Variants in ST7 observed in about 807,000 individuals in gnomAD.
ST7 encodes suppression of tumorigenicity 7, also known as suppressor of tumorigenicity 7 protein.
Under a neutral mutation model 78.7 loss-of-function variants are expected in ST7, and 28 were observed. That is an observed-to-expected ratio of 0.36 (90% CI 0.26 to 0.49). The LOEUF is 0.49. ST7 is among the 20% of genes least tolerant of loss of function. The probability of loss-of-function intolerance (pLI) is 0.99; values close to 1 mark genes in which losing one functional copy is unlikely to be tolerated. For synonymous variants in ST7, 247 were observed against 249.6 expected (o/e 0.99, Z 0.10); for missense variants, 418 against 696.0 (o/e 0.60, Z 4.49).
chr7:117,101,069 G>T (rs1430236057), intron 2 of ST7, among the ~76,000 whole-genome samples: 1 of 152,280 alleles, frequency 6.6e-6, no homozygotes, highest in East Asian at 1.9e-4. Context: ...GTAAAAAGAT[G>T]AAGAAATGTA....
chr7:116,977,870 A>G (rs999435914), intron 1 of ST7, among the ~76,000 whole-genome samples: 1 of 152,230 alleles, frequency 6.6e-6, no homozygotes, highest in Non-Finnish European at 1.5e-5. Context: ...GGTATTTTTA[A>G]AGAAGCACAG....
At chr7:117,089,816 C>T (rs1349455036) in intron 1 of ST7, among the ~76,000 whole-genome samples, 3 of 152,060 alleles carry the variant, frequency 2.0e-5, no homozygotes, top group Non-Finnish European at 2.9e-5. Flanking sequence ...GTGATCCTCC[C>T]GCCTCGGCCT....
At chr7:117,146,173 T>C (rs1012032962) in intron 9 of ST7, 1 of 152,204 alleles carries the variant, frequency 6.6e-6, no homozygotes, top group Admixed American at 6.5e-5. Context: ...TTATGCTCAT[T>C]GTGACAAGTC....
chr7:117,098,396 G>A (rs1216248019), intron 1 of ST7, among the ~76,000 whole-genome samples: 2 of 152,028 alleles, frequency 1.3e-5, no homozygotes, highest in East Asian at 1.9e-4. Context: ...ATTCAGCTGA[G>A]ATGTGTCCAT....
At chr7:117,174,131 G>A (rs570375534) in intron 10 of ST7, among the ~76,000 whole-genome samples, 2 of 152,282 alleles carry the variant, frequency 1.3e-5, no homozygotes, top group South Asian at 2.1e-4. Flanking sequence ...TTTTGCCATT[G>A]AGATAACTTC....
rs1414035122 is a variant in ST7, at chr7:117,097,899, TATATATA to T, written c.152-1862_152-1856del. On this transcript the variant is annotated intron_variant, in intron 1 of 15. Coordinates refer to ENST00000323984, the MANE Select transcript of ST7 (RefSeq NM_001369598.1). ...ATATCACTATATATATATATATATATATATATATATTTTTTTTTTTTTTTTTTTTGAT... is the reference window on the plus strand; with the variant it reads ...ATATCACTATATATATATATATATATTATTTTTTTTTTTTTTTTTTTTGAT... Among the ~76,000 whole-genome samples the T allele has an allele frequency of 4.0e-3, 129 of 31,968 alleles. 7 individuals carry two copies. The highest frequency in any genetic ancestry group is 0.018 in the African/African-American group (121 of 6,768). 21.0% of individuals were successfully genotyped at this position (31,968 alleles called of 152,430 possible).
At position 117,130,539 on chromosome 7, in the gene ST7, T is replaced by A; in HGVS notation, c.498T>A (p.Asn166Lys). 1 of 1,611,566 alleles carries A rather than the reference T, an allele frequency of 6.2e-7. No individual in the cohort carries two copies. ...GREPLTYYDM[N>K]LSAQDHQTFF... is the part of the protein sequence containing the mutation. ...AGCCTCTTACTTACTATGACATGAA[T>A]CTCTCTGCCCAAGACCACCAGACAT... Residue 166 changes from asparagine to lysine, a missense_variant, in exon 5 of 16, where the codon AAT (asparagine) becomes AAA (lysine). By Grantham distance (94) the Asn-to-Lys change is moderately conservative. This residue lies in a region of ST7 where 288 missense variants were observed against 537.1 expected (regional missense o/e 0.54). Coordinates refer to ENST00000323984, the MANE Select transcript of ST7 (RefSeq NM_001369598.1).
intron 1 of ST7, among the ~76,000 whole-genome samples, chr7:116,998,285 C>T (rs1168071595): frequency 6.6e-6 from 1 of 152,152 alleles, no homozygotes; most frequent in Non-Finnish European, 1.5e-5. Flanking sequence ...CGGCTGGCCA[C>T]TCTGAGTGTG....
chr7:117,204,363 C>T (rs1168058156), intron 12 of ST7, among the ~76,000 whole-genome samples: 1 of 152,138 alleles, frequency 6.6e-6, no homozygotes. Flanking sequence ...TGTGTTTTTA[C>T]TATTCCAGTT....
At position 116,975,152 on chromosome 7, in the gene ST7, C is replaced by T. The variant is rs113422949; in HGVS notation, c.151+21461C>T. 5.7e-3 allele frequency among the ~76,000 whole-genome samples: 868 copies of T among 152,162 alleles called. 4 individuals are homozygous for T. Among genetic ancestry groups the T allele is most frequent in the Non-Finnish European group, 9.7e-3 (660 of 68,012 alleles). On this transcript the variant is annotated intron_variant, in intron 1 of 15. Transcript: ENST00000323984. ...GAGGCTTCATAGTCATGGCAGAAGG[C>T]GAAGGAGGAGCAAAGGCATGTCTTA...
At chr7:116,981,661 G>A (rs1327725670) in intron 1 of ST7, among the ~76,000 whole-genome samples, 1 of 152,170 alleles carries the variant, frequency 6.6e-6, no homozygotes, top group Non-Finnish European at 1.5e-5. Flanking sequence ...GACGCTTAAT[G>A]TACAGTCATG....
At chr7:117,196,678 A>G (rs1369244255) in intron 12 of ST7, among the ~76,000 whole-genome samples, 2 of 17,954 alleles carry the variant, frequency 1.1e-4, no homozygotes, top group Non-Finnish European at 1.9e-4. Context: ...AGTTGCTTAT[A>G]TGTTTTCAAT....
At chr7:117,001,201 G>A (rs1400882651) in intron 1 of ST7, among the ~76,000 whole-genome samples, 5 of 152,182 alleles carry the variant, frequency 3.3e-5, no homozygotes, top group Admixed American at 6.5e-5. Context: ...TCTAATCATC[G>A]TCAACTGAAA....
At chr7:117,061,419 T>A (rs765734541) in intron 1 of ST7, among the ~76,000 whole-genome samples, 1 of 152,154 alleles carries the variant, frequency 6.6e-6, no homozygotes, top group Non-Finnish European at 1.5e-5. Context: ...ACACTTTTGA[T>A]TGGGGTAGGG....
chr7:116,958,162 A>ATTTTTTTT (rs34132237), intron 1 of ST7, among the ~76,000 whole-genome samples: 3 of 95,614 alleles, frequency 3.1e-5, no homozygotes, highest in Admixed American at 1.4e-4. Flanking sequence ...TGCGTGGCTA[A>ATTTTTTTT]TTTTTTTTTT....
At chr7:117,129,302 A>C (rs537877387) in intron 3 of ST7, among the ~76,000 whole-genome samples, 1 of 152,012 alleles carries the variant, frequency 6.6e-6, no homozygotes, top group African/African-American at 2.4e-5. Flanking sequence ...GGCAAAAGCA[A>C]ACTGGTAAAT....
intron 13 of ST7, among the ~76,000 whole-genome samples, chr7:117,216,523 A>G (rs1472009582): frequency 1.3e-5 from 2 of 152,100 alleles, no homozygotes; most frequent in Non-Finnish European, 2.9e-5. Flanking sequence ...TAGATTCGCA[A>G]AATTTCTGGA....
At chr7:117,082,536 A>G (rs1291064854) in intron 1 of ST7, among the ~76,000 whole-genome samples, 2 of 152,218 alleles carry the variant, frequency 1.3e-5, no homozygotes, top group Non-Finnish European at 2.9e-5. Context: ...ATACTGATCG[A>G]CTTCCCAAAT....
intron 1 of ST7, chr7:116,972,041 C>T: frequency 2.2e-6 from 1 of 462,330 alleles, no homozygotes; most frequent in East Asian, 4.5e-5. Context: ...GAGCGGGAGG[C>T]AAAAGCGGAA....
Sources: gnomAD v4.1 joint callset for allele counts (sites outside exome capture counted in the v4.1 genomes callset) on GRCh38, gnomAD v4.1.1 for gene constraint, gnomAD v4.1.1 regional missense constraint, MANE v1.5 for transcripts, NCBI Gene and HGNC (gene_info 2026-07-23, HGNC 2026-07-21) for gene names.